The following PDIA5 variants were observed in gnomAD, a reference collection of about 807,000 sequenced individuals.
PDIA5 encodes the protein protein disulfide isomerase family A member 5, also known as protein disulfide-isomerase A5.
In PDIA5, 58 loss-of-function variants were observed where a neutral mutation model predicts 77.6. The observed-to-expected ratio is 0.75, with a 90% confidence interval of 0.61 to 0.93. The LOEUF (loss-of-function observed/expected upper bound fraction) is 0.93, where lower values mean the gene tolerates loss of function less well. PDIA5 is among the 40% of genes least tolerant of loss of function. PDIA5 has a pLI of 0.00. For synonymous variants in PDIA5, 250 were observed against 252.1 expected, an observed-to-expected ratio of 0.99 and a Z score of 0.08; for missense variants, 630 against 647.7, an observed-to-expected ratio of 0.97 and a Z score of 0.30.
rs147443344 is a variant in PDIA5 at position 123,120,605 on chromosome 3, C to T, written c.610-3461C>T. Among the ~76,000 whole-genome samples the T allele has an allele frequency of 3.3e-3, 501 of 152,344 alleles. 3 individuals carry two copies. Among genetic ancestry groups the T allele is most frequent in the African/African-American group, 0.012 (478 of 41,552 alleles). ...ACCACATCTCTGTCCATAGCTTCAACAAAACGTAGCTCCATGGAGCCCAAG... is the reference window on the plus strand; with the variant it reads ...ACCACATCTCTGTCCATAGCTTCAATAAAACGTAGCTCCATGGAGCCCAAG... On this transcript the variant is annotated intron_variant, in intron 8 of 16. Transcript: ENST00000316218.
At chr3:123,093,640 T>C (rs574435688) in intron 3 of PDIA5, among the ~76,000 whole-genome samples, 1 of 152,202 alleles carries the variant, frequency 6.6e-6, no homozygotes. Flanking sequence ...CTATGTGCTT[T>C]GAGAATACGC....
At chr3:123,115,821 A>C (rs1934981932) in intron 7 of PDIA5, among the ~76,000 whole-genome samples, 1 of 152,238 alleles carries the variant, frequency 6.6e-6, no homozygotes, top group Non-Finnish European at 1.5e-5. Flanking sequence ...ACTCCAGCTC[A>C]TTTGCAGGCC....
At chr3:123,101,135 C>T (rs760890702) in intron 3 of PDIA5, among the ~76,000 whole-genome samples, 1 of 152,126 alleles carries the variant, frequency 6.6e-6, no homozygotes, top group Non-Finnish European at 1.5e-5. Flanking sequence ...GGGAGCCAAA[C>T]CTTATGGAGG....
chr3:123,104,154 C>T (rs1465941156), intron 5 of PDIA5, among the ~76,000 whole-genome samples: 1 of 152,146 alleles, frequency 6.6e-6, no homozygotes, highest in Non-Finnish European at 1.5e-5. Context: ...GTGAGGTCAG[C>T]GTTCTCTTGA....
intron 14 of PDIA5, among the ~76,000 whole-genome samples, chr3:123,151,831 TCCTG>T (rs199778449): frequency 1.8e-4 from 22 of 121,136 alleles, no homozygotes; most frequent in African/African-American, 5.6e-4. Flanking sequence ...CTGCCTGCCT[TCCTG>T]CCTGCCTGCC....
intron 5 of PDIA5, among the ~76,000 whole-genome samples, chr3:123,106,045 C>A (rs1934722307): frequency 6.6e-6 from 1 of 152,186 alleles, no homozygotes; most frequent in African/African-American, 2.4e-5. Flanking sequence ...GCCAGCGAAG[C>A]CCTTTATCTG....
At chr3:123,145,923 T>G (rs1364065976) in intron 12 of PDIA5, among the ~76,000 whole-genome samples, 176 bp from the exon 13 acceptor site, 3 of 151,908 alleles carry the variant, frequency 2.0e-5, no homozygotes, top group Non-Finnish European at 2.9e-5. Flanking sequence ...AAATGAGAAA[T>G]GATGGCCGTG....
chr3:123,158,772 T>C (rs374384446), intron 15 of PDIA5, among the ~76,000 whole-genome samples: 1 of 152,206 alleles, frequency 6.6e-6, no homozygotes, highest in Non-Finnish European at 1.5e-5. Context: ...CCAACCACCA[T>C]AGAACAAATT....
At chr3:123,148,155 A>G (rs1050557441) in intron 13 of PDIA5, among the ~76,000 whole-genome samples, 1 of 152,200 alleles carries the variant, frequency 6.6e-6, no homozygotes. Context: ...GATGCCTCTA[A>G]GCCCCAGTTT....
chr3:123,130,657 C>G lies in PDIA5; in HGVS notation c.910+41C>G. 2.5e-6 allele frequency: 4 copies of G among 1,608,256 alleles called. No homozygotes were observed. In the South Asian group the frequency reaches 4.4e-5, roughly 18 times the overall value. ...CTCCTCCCCCTCCACACCCTCCCCT[C>G]TCTCAGAGTAGGATGAGTGTGGCGC... On this transcript the variant is annotated intron_variant, in intron 11 of 16. Transcript: ENST00000316218.
At chr3:123,088,649 G>A (rs970142235) in intron 1 of PDIA5, among the ~76,000 whole-genome samples, 6 of 152,084 alleles carry the variant, frequency 3.9e-5, no homozygotes, top group East Asian at 1.9e-4. Flanking sequence ...CCAGCATCCC[G>A]CCTCCACAGG....
intron 1 of PDIA5, among the ~76,000 whole-genome samples, chr3:123,086,830 G>A (rs975592483): frequency 2.0e-5 from 3 of 152,152 alleles, no homozygotes; most frequent in African/African-American, 7.2e-5. Flanking sequence ...GGGTGCGCTG[G>A]TGGTAAATGT....
chr3:123,150,838 TTAATCA>T (rs1193439642), intron 14 of PDIA5, among the ~76,000 whole-genome samples: 1 of 152,180 alleles, frequency 6.6e-6, no homozygotes, highest in Non-Finnish European at 1.5e-5. Flanking sequence ...TGTGCTCGTT[TTAATCA>T]GAGCTCAAGC....
At chr3:123,102,630 T>TA (rs1934631413) in intron 4 of PDIA5, 121 bp from the exon 5 acceptor site, 1,109 of 1,042,602 alleles carry the variant, frequency 1.1e-3, no homozygotes, top group Non-Finnish European at 1.4e-3. Flanking sequence ...ATTATTTCTT[T>TA]TAAAAAAAAA....
intron 3 of PDIA5, among the ~76,000 whole-genome samples, chr3:123,093,105 G>A (rs951491434): frequency 2.6e-5 from 4 of 152,150 alleles, no homozygotes; most frequent in African/African-American, 9.7e-5. Flanking sequence ...GTTACTTTTC[G>A]AGTGAATTTT....
At chr3:123,116,953 C>T (rs1407180781) in intron 8 of PDIA5, among the ~76,000 whole-genome samples, 1 of 151,456 alleles carries the variant, frequency 6.6e-6, no homozygotes, top group Non-Finnish European at 1.5e-5. Context: ...AGGAAATGGG[C>T]CTTCAGAGAA....
chr3:123,160,999 A>G (rs1192381317), intron 15 of PDIA5, among the ~76,000 whole-genome samples: 1 of 152,164 alleles, frequency 6.6e-6, no homozygotes, highest in Non-Finnish European at 1.5e-5. Flanking sequence ...TCCCTTACAG[A>G]TAGCACCACA....
At chr3:123,125,349 T>C (rs548778102) in intron 10 of PDIA5, among the ~76,000 whole-genome samples, 13 of 152,312 alleles carry the variant, frequency 8.5e-5, no homozygotes, top group African/African-American at 2.9e-4. Flanking sequence ...GTAAGGAAGA[T>C]GTTACCGTTC....
At chr3:123,082,947 G>A (rs1216303345) in intron 1 of PDIA5, among the ~76,000 whole-genome samples, 1 of 152,186 alleles carries the variant, frequency 6.6e-6, no homozygotes, top group Non-Finnish European at 1.5e-5. Context: ...GTGGTGTCTG[G>A]AAGACTGCAG....
Sources: gnomAD v4.1 joint callset for allele counts (sites outside exome capture counted in the v4.1 genomes callset) on GRCh38, gnomAD v4.1.1 for gene constraint, MANE v1.5 for transcripts, NCBI Gene and HGNC (gene_info 2026-07-23, HGNC 2026-07-21) for gene names.